SLC26A8: variants seen among roughly 807,000 people sequenced by gnomAD.
SLC26A8 encodes the protein testis anion transporter 1.
Under a neutral mutation model 105.0 loss-of-function variants are expected in SLC26A8, and 70 were observed. The observed-to-expected ratio is 0.67, with a 90% CI of 0.55 to 0.81. The LOEUF is 0.81. Ranked by LOEUF, SLC26A8 falls within the 40% of genes least tolerant of loss-of-function variation. The probability of loss-of-function intolerance (pLI) is 0.00; values close to 1 mark genes in which losing one functional copy is unlikely to be tolerated. For synonymous variants in SLC26A8, 415 were observed against 438.3 expected, an observed-to-expected ratio of 0.95 and a Z score of 0.66; for missense variants, 998 against 1,181.8, an observed-to-expected ratio of 0.84 and a Z score of 2.28.
In SLC26A8 at chr6:35,993,155, C is replaced by CA. The variant is rs1454660244; in HGVS notation, c.628-482dup. Among the ~76,000 whole-genome samples the CA allele has an allele frequency of 2.8e-3, 190 of 67,960 alleles. 1 individual carries two copies. Among genetic ancestry groups the CA allele is most frequent in the African/African-American group, 5.2e-3 (90 of 17,238 alleles). The allele number at this position is 67,960 out of a possible 152,430, so 44.6% of individuals were successfully genotyped here. A position where few individuals can be genotyped will look rare whatever the true frequency, so the allele number is the denominator to read the frequency against. On this transcript the variant is annotated intron_variant, in intron 5 of 19. Coordinates refer to ENST00000490799, the MANE Select transcript of SLC26A8 (RefSeq NM_052961.4). ...TGGGACTACAGATGCTCACACTGGG[C>CA]ATTTTTTTTTTTTTTTTTTTTGATA...
intron 1 of SLC26A8, 33 bp from the exon 2 acceptor site, chr6:36,019,742 C>G (rs1762082533): frequency 1.3e-6 from 2 of 1,557,434 alleles, no homozygotes; most frequent in Admixed American, 3.8e-5. Context: ...AATAAAAGAG[C>G]ATTTTCAGTA....
At chr6:35,999,024 A>AC (rs200707025) in intron 4 of SLC26A8, among the ~76,000 whole-genome samples, 9,423 of 152,064 alleles carry the variant, frequency 0.062, 725 homozygotes, top group African/African-American at 0.18. Context: ...CCTCCCAAGT[A>AC]GCTGGGATTA....
At chr6:35,963,570 A>G (rs1772394655) in intron 11 of SLC26A8, among the ~76,000 whole-genome samples, 1 of 152,114 alleles carries the variant, frequency 6.6e-6, no homozygotes, top group Non-Finnish European at 1.5e-5. Flanking sequence ...CCCAACCCAC[A>G]AGTCGACCAC....
chr6:35,993,548 A>G (rs1761252392), intron 5 of SLC26A8, among the ~76,000 whole-genome samples: 1 of 152,140 alleles, frequency 6.6e-6, no homozygotes, highest in Admixed American at 6.5e-5. Flanking sequence ...TTTACATGTC[A>G]ATATGCATAT....
chr6:36,019,392 T>C lies in SLC26A8; in HGVS notation c.188+128A>G, dbSNP rs564439139. On this transcript the variant is annotated intron_variant, in intron 2 of 19. Coordinates refer to ENST00000490799, the MANE Select transcript of SLC26A8 (RefSeq NM_052961.4). ...AACCACAAAAATGACTGAAGAAAAATTGCACAATAAACTGCATGATTCTGA... is the reference window on the plus strand; with the variant it reads ...AACCACAAAAATGACTGAAGAAAAACTGCACAATAAACTGCATGATTCTGA... 1.6e-4 allele frequency: 158 copies of C among 1,016,944 alleles called. 3 individuals carry two copies. The South Asian group carries it at 2.8e-3, about 18-fold the overall frequency. The allele number at this position is 1,016,944 out of a possible 1,614,324, so 63.0% of individuals were successfully genotyped here. A position where few individuals can be genotyped will look rare whatever the true frequency, so the allele number is the denominator to read the frequency against.
intron 7 of SLC26A8, among the ~76,000 whole-genome samples, chr6:35,986,449 T>C (rs1474104555): frequency 6.6e-6 from 1 of 152,188 alleles, no homozygotes; most frequent in Non-Finnish European, 1.5e-5. Flanking sequence ...CTTGAAATTA[T>C]TCCTCTTATC....
intron 6 of SLC26A8, among the ~76,000 whole-genome samples, 170 bp downstream of exon 6, chr6:35,992,340 G>C (rs1005249968): frequency 1.3e-5 from 2 of 152,134 alleles, no homozygotes; most frequent in African/African-American, 4.8e-5. Flanking sequence ...AATTAATCAA[G>C]ACCCTAATTC....
rs780482044 is a variant in SLC26A8 at position 35,955,534 on chromosome 6, GT to G, written c.1864-15del. 1 of 1,610,518 alleles carries G rather than the reference GT, an allele frequency of 6.2e-7. No individual in the cohort carries two copies. The highest frequency in any genetic ancestry group is 8.5e-7 in the Non-Finnish European group (1 of 1,177,582). On this transcript the variant is annotated splice_polypyrimidine_tract_variant and intron_variant, in intron 16 of 19. Coordinates refer to ENST00000490799, the MANE Select transcript of SLC26A8 (RefSeq NM_052961.4). ...TGTGTAAAGAATCTGGGACGACAGA[GT>G]TAAGGGAGGGCTGTGGTAAGACACC...
chr6:36,007,535 G>A (rs190207824), intron 3 of SLC26A8, among the ~76,000 whole-genome samples: 1 of 152,286 alleles, frequency 6.6e-6, no homozygotes, highest in African/African-American at 2.4e-5. Flanking sequence ...ATAATCTATA[G>A]ATTTAATGGA....
At chr6:35,994,857 G>A (rs1028732994) in intron 5 of SLC26A8, among the ~76,000 whole-genome samples, 12 of 152,318 alleles carry the variant, frequency 7.9e-5, no homozygotes, top group Middle Eastern at 3.4e-3. Context: ...AATTACAGGC[G>A]TGAGCCACTG....
chr6:35,982,133 A>G lies in SLC26A8; in HGVS notation c.1013T>C (p.Met338Thr), dbSNP rs1773293626. Reference sequence around the variant, plus strand: ...TGGAATTACTGACCTATAAGGAATCATGTCAATAAGCGTCTGGCTGGTTTC... The same window carrying G: ...TGGAATTACTGACCTATAAGGAATCGTGTCAATAAGCGTCTGGCTGGTTTC... ...ATETSQTLID[M>T]IPYSFLLPVT... is the part of the protein sequence containing the mutation. The change falls in exon 8 of 20, where the codon ATG becomes ACG. Residue 338 changes from methionine to threonine, a missense_variant. Met to Thr is a moderately conservative substitution (Grantham distance 81). Coordinates refer to ENST00000490799, the MANE Select transcript of SLC26A8 (RefSeq NM_052961.4). The G allele has an allele frequency of 1.2e-6, 2 of 1,614,088 alleles. No homozygotes were observed. Among genetic ancestry groups the G allele is most frequent in the African/African-American group, 1.3e-5 (1 of 74,936 alleles).
intron 17 of SLC26A8, among the ~76,000 whole-genome samples, chr6:35,953,249 A>C (rs1009673443): frequency 1.3e-5 from 2 of 152,188 alleles, no homozygotes; most frequent in Non-Finnish European, 2.9e-5. Context: ...AGTCATCAAC[A>C]TGGGCCAGGT....
At chr6:35,962,959 G>A (rs1163340237) in intron 11 of SLC26A8, among the ~76,000 whole-genome samples, 5 of 151,960 alleles carry the variant, frequency 3.3e-5, no homozygotes, top group East Asian at 3.9e-4. Context: ...CATCACTCAC[G>A]GCTAATTTTG....
intron 2 of SLC26A8, among the ~76,000 whole-genome samples, chr6:36,018,847 T>A (rs900851157): frequency 6.6e-6 from 1 of 152,164 alleles, no homozygotes; most frequent in Non-Finnish European, 1.5e-5. Context: ...TGACCATGAG[T>A]ACCACCATGT....
intron 1 of SLC26A8, among the ~76,000 whole-genome samples, chr6:36,020,404 T>A (rs566866013): frequency 4.5e-4 from 68 of 152,226 alleles, no homozygotes; most frequent in Admixed American, 2.0e-4. Context: ...CAGAAAAAGC[T>A]ATAGAAGTTC....
intron 7 of SLC26A8, among the ~76,000 whole-genome samples, chr6:35,989,039 A>T (rs780710620): frequency 1.3e-5 from 2 of 151,874 alleles, no homozygotes; most frequent in African/African-American, 4.8e-5. Context: ...ATGGTGTTTC[A>T]CCATGTTGGC....
chr6:35,970,993 T>G (rs1198772269), intron 10 of SLC26A8, among the ~76,000 whole-genome samples: 1 of 151,972 alleles, frequency 6.6e-6, no homozygotes, highest in Non-Finnish European at 1.5e-5. Flanking sequence ...GCCAATGCAC[T>G]CCAGCCAGGG....
intron 10 of SLC26A8, 89 bp from the exon 11 acceptor site, chr6:35,969,043 G>T: frequency 8.6e-7 from 1 of 1,165,574 alleles, no homozygotes; most frequent in South Asian, 1.3e-5. Context: ...TGAGAAGCAT[G>T]TCAATTTTTC....
chr6:35,962,732 T>C (rs1350466007), intron 11 of SLC26A8, 111 bp from the exon 12 acceptor site: 2 of 901,188 alleles, frequency 2.2e-6, no homozygotes, highest in African/African-American at 3.3e-5. Flanking sequence ...ATATTTTGCA[T>C]TGATATTTTA....
Sources: gnomAD v4.1 joint callset for allele counts (sites outside exome capture counted in the v4.1 genomes callset) on GRCh38, gnomAD v4.1.1 for gene constraint, MANE v1.5 for transcripts, NCBI Gene and HGNC (gene_info 2026-07-23, HGNC 2026-07-21) for gene names.